NUP37: variants seen among roughly 807,000 people sequenced by gnomAD.
NUP37 encodes nucleoporin Nup37.
In NUP37, 33 loss-of-function variants were observed where a neutral mutation model predicts 45.4. That is an observed-to-expected ratio of 0.73 (90% confidence interval 0.55 to 0.97). NUP37 has a LOEUF of 0.97. Among genes scored for constraint, NUP37 ranks in the 50% least tolerant of loss-of-function variants. The probability of loss-of-function intolerance (pLI) is 0.00; values close to 1 mark genes in which losing one functional copy is unlikely to be tolerated. For missense variants in NUP37, 365 were observed against 389.7 expected (o/e 0.94, Z 0.53); for synonymous variants, 127 against 130.7 (o/e 0.97, Z 0.19).
chr12:102,119,343 C>T (rs1880644396), intron 1 of NUP37: 1 of 145,542 alleles, frequency 6.9e-6, no homozygotes, highest in African/African-American at 2.6e-5. Context: ...GGTGTGCAAA[C>T]CACCATAGCA....
At chr12:102,074,699 A>C (rs528072458) in intron 9 of NUP37, 1 of 457,998 alleles carries the variant, frequency 2.2e-6, no homozygotes, top group East Asian at 3.4e-5. Context: ...TGCAGTCTAC[A>C]CCAACCAAAC....
rs905745485 is a variant in NUP37 at position 102,118,109 on chromosome 12, C to T, written c.156+254G>A. 3.9e-5 allele frequency among the ~76,000 whole-genome samples: 6 copies of T among 152,104 alleles called. 1 individual carries two copies. Among genetic ancestry groups the T allele is most frequent in the African/African-American group, 1.4e-4 (6 of 41,388 alleles). On this transcript the variant is annotated intron_variant, in intron 2 of 9. Transcript: ENST00000552283. ...ATACCAATGTTCAGTTAATCATAGC[C>T]TTCACTTATCAGAATATTCCATTAA...
At chr12:102,086,268 G>C (rs1300846143) in intron 5 of NUP37, among the ~76,000 whole-genome samples, 2 of 152,024 alleles carry the variant, frequency 1.3e-5, no homozygotes, top group Non-Finnish European at 2.9e-5. Flanking sequence ...ACACACACAC[G>C]CATGCAAGCC....
chr12:102,079,010 G>A (rs1879260722), intron 6 of NUP37: 1 of 274,602 alleles, frequency 3.6e-6, no homozygotes. Context: ...AGTAGTTGAT[G>A]CCTGAATAAA....
chr12:102,118,497 T>C lies in NUP37; in HGVS notation c.22A>G (p.Asn8Asp). Residue 8 changes from asparagine to aspartate, a missense_variant, in exon 2 of 10, where the codon AAT becomes GAT. Asn to Asp is a conservative substitution (Grantham distance 23, BLOSUM62 1). Transcript: ENST00000552283. MKQDASR[N>D]AAYTVDCEDY... ...TCACAATCCACAGTGTAGGCAGCATTTCTTGAGGCATCTTGCTTCATCTTG... is the reference window on the plus strand; with the variant it reads ...TCACAATCCACAGTGTAGGCAGCATCTCTTGAGGCATCTTGCTTCATCTTG... The C allele has an allele frequency of 6.2e-7, 1 of 1,610,046 alleles. No homozygotes were observed. Among genetic ancestry groups the C allele is most frequent in the Admixed American group, 1.7e-5 (1 of 58,672 alleles).
chr12:102,092,107 T>C (rs981065433), intron 5 of NUP37, among the ~76,000 whole-genome samples: 5 of 152,208 alleles, frequency 3.3e-5, no homozygotes, highest in Admixed American at 3.3e-4. Context: ...ACAGGAATAT[T>C]CTGTAATATT....
At chr12:102,108,041 GTTAATA>G (rs1385582293) in intron 3 of NUP37, among the ~76,000 whole-genome samples, 1 of 152,140 alleles carries the variant, frequency 6.6e-6, no homozygotes, top group African/African-American at 2.4e-5. Context: ...CTCTGTGATG[GTTAATA>G]TTAAGTGTCA....
intron 5 of NUP37, among the ~76,000 whole-genome samples, chr12:102,086,249 C>T (rs1402602055): frequency 2.6e-5 from 4 of 152,070 alleles, no homozygotes; most frequent in South Asian, 4.2e-4. Flanking sequence ...ACTACTGGGG[C>T]GCTTACAAAC....
chr12:102,085,742 G>T (rs1879450223), intron 6 of NUP37, 24 bp downstream of exon 6: 13 of 1,128,458 alleles, frequency 1.2e-5, no homozygotes, highest in East Asian at 2.5e-5. Context: ...AATTTGATAA[G>T]AGAGTTAAAT....
chr12:102,074,360 T>G lies in NUP37; in HGVS notation c.975A>C (p.Glu325Asp). Residue 325 changes from glutamate to aspartate, a missense_variant, in exon 10 of 10, where the codon GAA becomes GAC. Physicochemically the swap from Glu to Asp is conservative, Grantham distance 45. Transcript: ENST00000552283. ...GDHKLLFWVT[E>D]V ...CTAAGGTACAGAAAACACTTTATAC[T>G]TCAGTCACCCAAAACAACAGCTTGT... The G allele has an allele frequency of 6.2e-7, 1 of 1,601,182 alleles. No individual in the cohort carries two copies.
chr12:102,074,867 T>C (rs1879124322), intron 9 of NUP37, 134 bp downstream of exon 9: 1 of 480,218 alleles, frequency 2.1e-6, no homozygotes, highest in Non-Finnish European at 3.6e-6. Context: ...CCACCTTTTC[T>C]TGCAATTTAA....
intron 2 of NUP37, among the ~76,000 whole-genome samples, chr12:102,116,805 G>A (rs1017531165): frequency 7.2e-5 from 11 of 151,962 alleles, no homozygotes; most frequent in African/African-American, 2.2e-4. Context: ...TTCAAGACCA[G>A]CCTGACCAAC....
rs902569884 is a variant in NUP37 at position 102,074,251 on chromosome 12, C to T, written c.*103G>A. On this transcript the variant is annotated 3_prime_UTR_variant, in exon 10 of 10. Transcript: ENST00000552283. ...CAACTGAGACATTTTCTAAAGTATACGGTATATTTGATATAAAAATTCTTC... is the reference window on the plus strand; with the variant it reads ...CAACTGAGACATTTTCTAAAGTATATGGTATATTTGATATAAAAATTCTTC... The T allele has an allele frequency of 3.8e-5, 23 of 599,982 alleles. No individual in the cohort carries two copies. Among genetic ancestry groups the T allele is most frequent in the South Asian group, 2.4e-4 (10 of 40,966 alleles). 37.2% of individuals were successfully genotyped at this position (599,982 alleles called of 1,614,324 possible).
chr12:102,095,918 A>G (rs970540114), intron 5 of NUP37, among the ~76,000 whole-genome samples: 2 of 152,058 alleles, frequency 1.3e-5, no homozygotes, highest in African/African-American at 4.8e-5. Context: ...AAATCTCTAC[A>G]ACTGTGCAAC....
chr12:102,076,045 G>A (rs1461345566), intron 8 of NUP37, among the ~76,000 whole-genome samples: 3 of 152,074 alleles, frequency 2.0e-5, no homozygotes, highest in African/African-American at 7.2e-5. Context: ...TTGATGAGCT[G>A]CTCAACAAGC....
chr12:102,085,348 G>C (rs1879438113), intron 6 of NUP37, among the ~76,000 whole-genome samples: 1 of 152,090 alleles, frequency 6.6e-6, no homozygotes, highest in African/African-American at 2.4e-5. Context: ...CTTGAGCCTG[G>C]GAGGCGGAGG....
intron 3 of NUP37, among the ~76,000 whole-genome samples, chr12:102,104,748 T>C (rs975994559): frequency 4.6e-5 from 7 of 152,224 alleles, no homozygotes; most frequent in Non-Finnish European, 8.8e-5. Context: ...TCAAAGATCA[T>C]TTGATGGCTA....
At chr12:102,079,537 GCTT>G (rs1208402536) in intron 6 of NUP37, among the ~76,000 whole-genome samples, 1 of 152,096 alleles carries the variant, frequency 6.6e-6, no homozygotes. Flanking sequence ...TGAAAATTGT[GCTT>G]CTTTTTAAAG....
intron 6 of NUP37, among the ~76,000 whole-genome samples, chr12:102,078,389 G>A (rs1879242329): frequency 6.6e-6 from 1 of 151,970 alleles, no homozygotes; most frequent in Non-Finnish European, 1.5e-5. Context: ...CCGTCACTAA[G>A]AAGAAGAGAT....
Sources: gnomAD v4.1 joint callset for allele counts (sites outside exome capture counted in the v4.1 genomes callset) on GRCh38, gnomAD v4.1.1 for gene constraint, MANE v1.5 for transcripts, NCBI Gene and HGNC (gene_info 2026-07-23, HGNC 2026-07-21) for gene names.